ADARB1: variants seen among roughly 807,000 people sequenced by gnomAD.
ADARB1 encodes double-stranded RNA-specific editase 1.
ADARB1 carries 10 observed loss-of-function variants against 52.4 expected under a neutral mutation model. That is an observed-to-expected ratio of 0.19 (90% CI 0.12 to 0.32). The LOEUF (loss-of-function observed/expected upper bound fraction) is 0.32, where lower values mean the gene tolerates loss of function less well. Ranked by LOEUF, ADARB1 falls within the 10% of genes least tolerant of loss-of-function variation. The pLI, the probability that ADARB1 is intolerant of heterozygous loss-of-function variation, is 1.00. For synonymous variants in ADARB1, 349 were observed against 371.1 expected (o/e 0.94, Z 0.68); for missense variants, 643 against 922.3 (o/e 0.70, Z 3.92).
intron 2 of ADARB1, among the ~76,000 whole-genome samples, chr21:45,154,802 C>A (rs1270952909): frequency 2.0e-5 from 3 of 152,196 alleles, no homozygotes; most frequent in African/African-American, 7.2e-5. Flanking sequence ...GCCACCCTGG[C>A]AGATGCTGCC....
chr21:45,098,074 T>G (rs564825851), intron 1 of ADARB1, among the ~76,000 whole-genome samples: 1 of 152,288 alleles, frequency 6.6e-6, no homozygotes, highest in African/African-American at 2.4e-5. Flanking sequence ...CCCAGTCCCC[T>G]CAAACATTTG....
In ADARB1 at chr21:45,109,139, GTGTGTGTGCGCGCGTGTGCGTATA is replaced by G. The variant is rs1429573076; in HGVS notation, c.-219-19229_-219-19206del. Among the ~76,000 whole-genome samples the G allele has an allele frequency of 2.7e-3, 404 of 151,830 alleles. 3 individuals carry two copies. Among genetic ancestry groups the G allele is most frequent in the East Asian group, 9.8e-3 (51 of 5,188 alleles). On this transcript the variant is annotated intron_variant, in intron 1 of 10. Coordinates refer to ENST00000348831, the MANE Select transcript of ADARB1 (RefSeq NM_001112.4). ...CGCTGCTGCCTCCTCCTGTATGCGT[GTGTGTGTGCGCGCGTGTGCGTATA>G]TGTGTGTGCGCGCGTGTGCGTATAT...
chr21:45,089,276 T>C (rs1359956895), intron 1 of ADARB1, among the ~76,000 whole-genome samples: 2 of 152,202 alleles, frequency 1.3e-5, no homozygotes, highest in Non-Finnish European at 1.5e-5. Flanking sequence ...AGGGGAATTA[T>C]CTGTACTATT....
At chr21:45,197,671 C>T (rs1371239644) in intron 8 of ADARB1, among the ~76,000 whole-genome samples, 4 of 152,098 alleles carry the variant, frequency 2.6e-5, no homozygotes, top group African/African-American at 7.2e-5. Context: ...GCAATCCACG[C>T]AGCCATCAAC....
chr21:45,197,392 C>T (rs1229835516), intron 8 of ADARB1, among the ~76,000 whole-genome samples: 1 of 151,674 alleles, frequency 6.6e-6, no homozygotes, highest in African/African-American at 2.4e-5. Context: ...CCCAGCTACT[C>T]AGGAGGCTGA....
Position 45,171,598 on chromosome 21 carries a change from A to T in ADARB1, c.-47-12A>T. 1.9e-6 allele frequency: 3 copies of T among 1,538,890 alleles called. No homozygotes were observed. Among genetic ancestry groups the T allele is most frequent in the Non-Finnish European group, 2.7e-6 (3 of 1,113,178 alleles). On this transcript the variant is annotated splice_polypyrimidine_tract_variant and intron_variant, in intron 2 of 10. Transcript: ENST00000348831. ...TAGGCACACTAAATGCTATTTTCTT[A>T]CTGTCTTTCAGACAGAAACAGTCTC...
At chr21:45,211,650 C>G (rs1303047481) in intron 9 of ADARB1, among the ~76,000 whole-genome samples, 1 of 152,128 alleles carries the variant, frequency 6.6e-6, no homozygotes, top group Non-Finnish European at 1.5e-5. Flanking sequence ...TTAATTGTAG[C>G]AGTTATTAGG....
In ADARB1 at chr21:45,221,356, A is replaced by G. The variant is rs1017192981; in HGVS notation, c.1926+342A>G. Among the ~76,000 whole-genome samples, 7 of 152,234 alleles carry G rather than the reference A, an allele frequency of 4.6e-5. No individual in the cohort carries two copies. Among genetic ancestry groups the G allele is most frequent in the African/African-American group, 1.4e-4 (6 of 41,462 alleles). ...CCCTGCTGTCCCCTCCTTCTCAGCA[A>G]CATAAAAATTGCTTGGATTGTGATA... On this transcript the variant is annotated intron_variant, in intron 10 of 10. Coordinates refer to ENST00000348831, the MANE Select transcript of ADARB1 (RefSeq NM_001112.4). This position sits in a 1 kb window ranked among gnomAD's most constrained non-coding sequence, Gnocchi z 4.9.
chr21:45,189,542 T>C (rs1051384220), intron 8 of ADARB1, among the ~76,000 whole-genome samples: 1 of 152,200 alleles, frequency 6.6e-6, no homozygotes, highest in African/African-American at 2.4e-5. Flanking sequence ...GAACCTTATT[T>C]TTCCATACAG....
At position 45,220,767 on chromosome 21, in the gene ADARB1, G is replaced by T; in HGVS notation, c.1748-69G>T. 6.4e-7 allele frequency: 1 copy of T among 1,550,642 alleles called. No homozygotes were observed. The highest frequency in any genetic ancestry group is 8.8e-7 in the Non-Finnish European group (1 of 1,133,868). Reference sequence around the variant, plus strand: ...TGGCCATGTCTGAGCACAGTGTGCCGCCCGTGGCTGCTCCCTCCCTGGGGG... The same window carrying T: ...TGGCCATGTCTGAGCACAGTGTGCCTCCCGTGGCTGCTCCCTCCCTGGGGG... On this transcript the variant is annotated intron_variant, in intron 9 of 10. Transcript: ENST00000348831. The surrounding 1 kb of genome is among the most constrained non-coding windows in gnomAD (Gnocchi z 6.3).
intron 8 of ADARB1, among the ~76,000 whole-genome samples, chr21:45,191,891 TTTTTTTTTTTTTTTTTTTTTG>T (rs2092309527): frequency 7.2e-5 from 1 of 13,802 alleles, no homozygotes; most frequent in South Asian, 3.4e-3. Flanking sequence ...TTTTTTTTTT[TTTTTTTTTTTTTTTTTTTTTG>T]TAGTTATCTT....
intron 1 of ADARB1, among the ~76,000 whole-genome samples, chr21:45,095,360 A>G (rs2086714874): frequency 6.6e-6 from 1 of 152,188 alleles, no homozygotes; most frequent in Non-Finnish European, 1.5e-5. Flanking sequence ...TCCCCTCCCC[A>G]GGCTCCTGTC....
chr21:45,115,635 A>G (rs2087785471), intron 1 of ADARB1, among the ~76,000 whole-genome samples: 2 of 152,224 alleles, frequency 1.3e-5, no homozygotes, highest in South Asian at 2.1e-4. Flanking sequence ...TACTATGTAA[A>G]TGTTTAACAT....
intron 2 of ADARB1, among the ~76,000 whole-genome samples, chr21:45,167,677 G>A (rs1004300755): frequency 6.6e-6 from 1 of 152,152 alleles, no homozygotes; most frequent in African/African-American, 2.4e-5. Context: ...AACCTGGGAG[G>A]TAGAGGTTGC....
chr21:45,179,173 G>A (rs1057197698), intron 4 of ADARB1, among the ~76,000 whole-genome samples: 4 of 152,074 alleles, frequency 2.6e-5, no homozygotes, highest in African/African-American at 4.8e-5. Flanking sequence ...AGTTCCTCGC[G>A]TCCGCTCACC....
At chr21:45,202,873 G>A (rs2092586956) in intron 8 of ADARB1, among the ~76,000 whole-genome samples, 2 of 150,446 alleles carry the variant, frequency 1.3e-5, no homozygotes, top group African/African-American at 4.9e-5. Flanking sequence ...GTGCCACACT[G>A]TGCTGAGCGT....
chr21:45,169,843 T>C (rs998639719), intron 2 of ADARB1, among the ~76,000 whole-genome samples: 1 of 152,214 alleles, frequency 6.6e-6, no homozygotes, highest in African/African-American at 2.4e-5. Flanking sequence ...GTCTTCGTGA[T>C]ATGCTCAGCC....
intron 2 of ADARB1, among the ~76,000 whole-genome samples, chr21:45,152,090 A>T (rs2090321731): frequency 6.6e-6 from 1 of 152,238 alleles, no homozygotes. Flanking sequence ...CACTGGTGAC[A>T]TCCTGACCAC....
At chr21:45,198,262 A>G (rs187889838) in intron 8 of ADARB1, among the ~76,000 whole-genome samples, 1 of 152,266 alleles carries the variant, frequency 6.6e-6, no homozygotes, top group Non-Finnish European at 1.5e-5. Flanking sequence ...AGTCAACAGA[A>G]CCGGTGAGGC....
Sources: gnomAD v4.1 joint callset for allele counts (sites outside exome capture counted in the v4.1 genomes callset) on GRCh38, gnomAD v4.1.1 for gene constraint, Gnocchi (gnomAD v3.1) non-coding constraint, MANE v1.5 for transcripts, NCBI Gene and HGNC (gene_info 2026-07-23, HGNC 2026-07-21) for gene names.